The following LANCL1 variants were observed in gnomAD, a reference collection of about 807,000 sequenced individuals.
LANCL1 encodes the protein LanC like glutathione S-transferase 1.
LANCL1 carries 50 observed loss-of-function variants against 50.6 expected under a neutral mutation model. The observed-to-expected ratio is 0.99, with a 90% confidence interval of 0.79 to 1.25. LANCL1 has a LOEUF of 1.25. Among genes scored for constraint, LANCL1 ranks in the 50% most tolerant of loss-of-function variants. The pLI is 0.00. For missense variants in LANCL1, 532 were observed against 480.7 expected (o/e 1.11, Z -1.00); for synonymous variants, 188 against 178.6 (o/e 1.05, Z -0.42).
intron 3 of LANCL1, among the ~76,000 whole-genome samples, chr2:210,459,595 C>T (rs1693782190): frequency 6.6e-6 from 1 of 152,084 alleles, no homozygotes; most frequent in Non-Finnish European, 1.5e-5. Flanking sequence ...ACAACATTTC[C>T]ATTACTGCAG....
At position 210,476,377 on chromosome 2, in the gene LANCL1, G is replaced by C. The variant is rs1245778054; in HGVS notation, c.20C>G (p.Pro7Arg). 3 of 1,614,002 alleles carry C rather than the reference G, an allele frequency of 1.9e-6. No individual in the cohort carries two copies. Among genetic ancestry groups the C allele is most frequent in the Non-Finnish European group, 2.5e-6 (3 of 1,179,986 alleles). Residue 7 changes from proline to arginine, a missense_variant, in exon 2 of 10, where the codon CCG (proline) becomes CGG (arginine). Transcript: ENST00000450366. MAQRAF[P>R]NPYADYNKSL... Reference sequence around the variant, plus strand: ...TTTGTTATAATCAGCATAAGGATTCGGGAAGGCCCTTTGAGCCATGACGCC... The same window carrying C: ...TTTGTTATAATCAGCATAAGGATTCCGGAAGGCCCTTTGAGCCATGACGCC...
chr2:210,445,807 A>G (rs550435142), intron 4 of LANCL1, among the ~76,000 whole-genome samples: 1 of 152,314 alleles, frequency 6.6e-6, no homozygotes, highest in South Asian at 2.1e-4. Flanking sequence ...GAAGACACAC[A>G]AACAGGATAG....
At chr2:210,438,416 T>C (rs1038381918) in intron 6 of LANCL1, among the ~76,000 whole-genome samples, 14 of 152,240 alleles carry the variant, frequency 9.2e-5, no homozygotes, top group Non-Finnish European at 1.8e-4. Flanking sequence ...ATAACAGGCA[T>C]GAGCCACTGT....
At chr2:210,435,874 C>G (rs891675960) in intron 8 of LANCL1, among the ~76,000 whole-genome samples, 1 of 142,056 alleles carries the variant, frequency 7.0e-6, no homozygotes, top group Non-Finnish European at 1.5e-5. Context: ...ACTCTTTCTA[C>G]AACCTCCTGG....
In LANCL1 at chr2:210,441,306, A is replaced by G. The variant is rs750205482; in HGVS notation, c.543+2T>C. ...GCTCCTAAAAACACAAAAACGTGGT[A>G]CCTGCTGAATATGGCTTTGAGGAAT... On this transcript the variant is annotated splice_donor_variant, in intron 5 of 9. Transcript: ENST00000450366. LOFTEE classifies it high-confidence loss of function. The G allele has an allele frequency of 6.0e-5, 96 of 1,610,054 alleles. 2 individuals carry two copies. In the South Asian group the frequency reaches 1.0e-3, roughly 17 times the overall value.
At chr2:210,455,810 GT>G (rs60277321) in intron 3 of LANCL1, among the ~76,000 whole-genome samples, 4,739 of 125,890 alleles carry the variant, frequency 0.038, 198 homozygotes, top group African/African-American at 0.11. Context: ...GTGTGTGTGT[GT>G]TTTTTTTTTT....
At chr2:210,473,622 A>G (rs759565405) in intron 2 of LANCL1, among the ~76,000 whole-genome samples, 11 of 152,166 alleles carry the variant, frequency 7.2e-5, no homozygotes, top group Non-Finnish European at 1.3e-4. Context: ...AACACTGAAA[A>G]CAGCAAGAAG....
chr2:210,446,576 T>C (rs771766770), intron 4 of LANCL1, among the ~76,000 whole-genome samples: 1 of 151,938 alleles, frequency 6.6e-6, no homozygotes, highest in African/African-American at 2.4e-5. Context: ...AGGAGCATGT[T>C]CTAACCAAAT....
chr2:210,450,963 G>A (rs1693493793), intron 4 of LANCL1, among the ~76,000 whole-genome samples: 1 of 152,132 alleles, frequency 6.6e-6, no homozygotes, highest in Non-Finnish European at 1.5e-5. Flanking sequence ...CATTTGACCA[G>A]CAATTCCATT....
chr2:210,460,528 T>G (rs1559717538), intron 3 of LANCL1: 1 of 148,284 alleles, frequency 6.7e-6, no homozygotes, highest in Non-Finnish European at 1.5e-5. Context: ...TATGACCACC[T>G]GTCTTTCTAT....
rs144322858 is a variant in LANCL1 at position 210,458,171 on chromosome 2, C to G, written c.200-2857G>C. Among the ~76,000 whole-genome samples, 489 of 152,254 alleles carry G rather than the reference C, an allele frequency of 3.2e-3. 3 individuals carry two copies. Among genetic ancestry groups the G allele is most frequent in the African/African-American group, 0.011 (437 of 41,540 alleles). On this transcript the variant is annotated intron_variant, in intron 3 of 9. Coordinates refer to ENST00000450366, the MANE Select transcript of LANCL1 (RefSeq NM_006055.3). ...GTTTCAAAGATCAAAGCCACCTAAT[C>G]CTGGAGGACTGTGAAGCTGCCACAC...
Position 210,454,308 on chromosome 2 carries a change from T to C in LANCL1, c.407+799A>G, listed in dbSNP as rs1693601416. ...ATCATTCCTTTTTTGAATACAGCAC[T>C]ATGATATCTTAAAAAGTCCAAAAAG... On this transcript the variant is annotated intron_variant, in intron 4 of 9. Transcript: ENST00000450366. Among the ~76,000 whole-genome samples, 3 of 151,950 alleles carry C rather than the reference T, an allele frequency of 2.0e-5. No homozygotes were observed. In the South Asian group the frequency reaches 6.2e-4, roughly 31 times the overall value.
chr2:210,472,453 G>A (rs915542189), intron 2 of LANCL1, among the ~76,000 whole-genome samples: 2 of 151,962 alleles, frequency 1.3e-5, no homozygotes, highest in Non-Finnish European at 2.9e-5. Flanking sequence ...TGGATTTTTA[G>A]TATTCAAGCT....
intron 7 of LANCL1, among the ~76,000 whole-genome samples, 166 bp from the exon 8 acceptor site, chr2:210,436,558 C>T (rs890509445): frequency 2.6e-5 from 4 of 152,052 alleles, no homozygotes; most frequent in South Asian, 2.1e-4. Context: ...TTACTAAAAT[C>T]GACTAGTTTG....
At chr2:210,451,745 C>T (rs1693516692) in intron 4 of LANCL1, among the ~76,000 whole-genome samples, 1 of 152,156 alleles carries the variant, frequency 6.6e-6, no homozygotes. Context: ...GCTATATAGG[C>T]TCCAGGCTTC....
intron 3 of LANCL1, among the ~76,000 whole-genome samples, chr2:210,456,923 G>A (rs1044184259): frequency 1.3e-5 from 2 of 152,192 alleles, no homozygotes; most frequent in African/African-American, 2.4e-5. Context: ...GCTTGCAATT[G>A]TAAGATTTGG....
At chr2:210,454,769 C>G (rs1397174593) in intron 4 of LANCL1, among the ~76,000 whole-genome samples, 3 of 152,134 alleles carry the variant, frequency 2.0e-5, no homozygotes, top group Non-Finnish European at 4.4e-5. Flanking sequence ...AAGGACTCTC[C>G]CAGCCCACCT....
At chr2:210,439,208 G>T (rs1693042508) in intron 6 of LANCL1, among the ~76,000 whole-genome samples, 1 of 152,122 alleles carries the variant, frequency 6.6e-6, no homozygotes, top group Non-Finnish European at 1.5e-5. Flanking sequence ...AGACTTTCAG[G>T]ATTAAAAATT....
In LANCL1 at chr2:210,459,737, AAAACAAAC is replaced by A. The variant is rs34702156; in HGVS notation, c.200-4431_200-4424del. ...GGTCTTGAAATGTTGATAACTATTA[AAAACAAAC>A]AAACAAACAAACAAACAAACAAACA... On this transcript the variant is annotated intron_variant, in intron 3 of 9. Coordinates refer to ENST00000450366, the MANE Select transcript of LANCL1 (RefSeq NM_006055.3). 3.3e-3 allele frequency among the ~76,000 whole-genome samples: 491 copies of A among 150,394 alleles called. 1 individual carries two copies. The highest frequency in any genetic ancestry group is 9.8e-3 in the African/African-American group (401 of 40,916).
Sources: gnomAD v4.1 joint callset for allele counts (sites outside exome capture counted in the v4.1 genomes callset) on GRCh38, gnomAD v4.1.1 for gene constraint, MANE v1.5 for transcripts, NCBI Gene and HGNC (gene_info 2026-07-23, HGNC 2026-07-21) for gene names.